The following KRABD5 variants were observed in gnomAD, a reference collection of about 807,000 sequenced individuals.
KRABD5 encodes the protein KRAB domain containing 5, also known as KRAB domain-containing protein 5.
the KRABD5 span, among the ~76,000 whole-genome samples, chr16:31,730,729 G>A: frequency 6.6e-6 from 1 of 151,578 alleles, no homozygotes; most frequent in Non-Finnish European, 1.5e-5. Flanking sequence ...CTTCCTTCAT[G>A]CTTTCATATT....
At chr16:31,718,604 A>G in the KRABD5 span, among the ~76,000 whole-genome samples, 1 of 152,090 alleles carries the variant, frequency 6.6e-6, no homozygotes, top group Non-Finnish European at 1.5e-5. Flanking sequence ...GTGAAGCTAC[A>G]CCTACCTGTG....
chr16:31,752,746 A>T, the KRABD5 span, among the ~76,000 whole-genome samples: 1 of 152,258 alleles, frequency 6.6e-6, no homozygotes, highest in South Asian at 2.1e-4. Flanking sequence ...GTGTTTTTGT[A>T]GTCATAGCCA....
the KRABD5 span, among the ~76,000 whole-genome samples, chr16:31,728,612 G>T: frequency 1.3e-5 from 2 of 151,792 alleles, no homozygotes; most frequent in East Asian, 3.9e-4. Context: ...TTTTCTTTCT[G>T]CTATTGATTT....
At chr16:31,751,695 C>T in the KRABD5 span, among the ~76,000 whole-genome samples, 10 of 152,236 alleles carry the variant, frequency 6.6e-5, no homozygotes, top group East Asian at 1.9e-3. Flanking sequence ...CTATCAATCT[C>T]GTTTACCCTT....
chr16:31,721,459 A>T, the KRABD5 span, among the ~76,000 whole-genome samples: 1 of 151,364 alleles, frequency 6.6e-6, no homozygotes, highest in Non-Finnish European at 1.5e-5. Context: ...GTAAAATAAT[A>T]AATAAAAAAA....
the KRABD5 span, among the ~76,000 whole-genome samples, chr16:31,750,844 C>T: frequency 6.6e-6 from 1 of 152,106 alleles, no homozygotes; most frequent in African/African-American, 2.4e-5. Flanking sequence ...ACTGCAACCT[C>T]CGCCTCCTGG....
At chr16:31,732,412 C>A in the KRABD5 span, among the ~76,000 whole-genome samples, 1 of 152,172 alleles carries the variant, frequency 6.6e-6, no homozygotes, top group Non-Finnish European at 1.5e-5. Flanking sequence ...AAATAAAATG[C>A]TGAAATGTAC....
At chr16:31,751,607 G>A in the KRABD5 span, among the ~76,000 whole-genome samples, 788 of 152,244 alleles carry the variant, frequency 5.2e-3, 5 homozygotes, top group African/African-American at 0.018. Context: ...CTGTGGGATC[G>A]ATTGCAATGT....
chr16:31,749,305 C>G, the KRABD5 span, among the ~76,000 whole-genome samples: 1 of 152,190 alleles, frequency 6.6e-6, no homozygotes, highest in African/African-American at 2.4e-5. Context: ...TGCAGCCTCC[C>G]TGACTCCAGA....
chr16:31,715,457 T>A, the KRABD5 span, among the ~76,000 whole-genome samples: 1 of 152,162 alleles, frequency 6.6e-6, no homozygotes. Flanking sequence ...TTTTCCCCAC[T>A]CCTTTCTCTT....
At chr16:31,713,375 A>C in the KRABD5 span, 1 of 1,589,352 alleles carries the variant, frequency 6.3e-7, no homozygotes, top group Non-Finnish European at 8.6e-7. Flanking sequence ...TTACTCTGTG[A>C]CCGGCAGGCA....
the KRABD5 span, among the ~76,000 whole-genome samples, chr16:31,740,968 C>A: frequency 6.6e-6 from 1 of 152,138 alleles, no homozygotes; most frequent in African/African-American, 2.4e-5. Context: ...TCAGCCCTTG[C>A]TTCCTTCCTT....
the KRABD5 span, among the ~76,000 whole-genome samples, chr16:31,717,316 A>G: frequency 6.6e-6 from 1 of 152,136 alleles, no homozygotes; most frequent in Admixed American, 6.5e-5. Context: ...GATTCGGGAC[A>G]TTCTTTCTCT....
At chr16:31,730,527 G>A in the KRABD5 span, among the ~76,000 whole-genome samples, 1 of 152,046 alleles carries the variant, frequency 6.6e-6, no homozygotes, top group African/African-American at 2.4e-5. Flanking sequence ...ATATGCCCCA[G>A]GGGAATCTTC....
At chr16:31,742,084 A>G in the KRABD5 span, among the ~76,000 whole-genome samples, 1 of 152,042 alleles carries the variant, frequency 6.6e-6, no homozygotes, top group Non-Finnish European at 1.5e-5. Context: ...TTTGTGGAAC[A>G]TCAGATGATT....
the KRABD5 span, among the ~76,000 whole-genome samples, chr16:31,716,530 C>T: frequency 4.6e-3 from 706 of 152,270 alleles, 8 homozygotes; most frequent in African/African-American, 0.016. Flanking sequence ...ATGTGCCCCC[C>T]ACACCTGGCT....
chr16:31,734,209 A>T, the KRABD5 span, among the ~76,000 whole-genome samples: 1 of 151,602 alleles, frequency 6.6e-6, no homozygotes, highest in Non-Finnish European at 1.5e-5. Context: ...CTTAGTGGTG[A>T]GAACATTCAA....
chr16:31,760,945 G>A, the KRABD5 span: 2 of 152,130 alleles, frequency 1.3e-5, no homozygotes, highest in Non-Finnish European at 2.9e-5. Context: ...TCCCAGTAGT[G>A]AAGAATAATA....
chr16:31,722,099 A>G, the KRABD5 span, among the ~76,000 whole-genome samples: 2 of 151,966 alleles, frequency 1.3e-5, no homozygotes, highest in African/African-American at 4.8e-5. Context: ...TTTGAGACGG[A>G]ATTTCGCTCT....
Sources: gnomAD v4.1 joint callset for allele counts (sites outside exome capture counted in the v4.1 genomes callset) on GRCh38, gnomAD v4.1.1 for gene constraint, MANE v1.5 for transcripts, NCBI Gene and HGNC (gene_info 2026-07-23, HGNC 2026-07-21) for gene names.